MCC: variants seen among roughly 807,000 people sequenced by gnomAD.
The protein encoded by MCC is MCC regulator of Wnt signaling pathway, also known as colorectal mutant cancer protein.
Under a neutral mutation model 116.2 loss-of-function variants are expected in MCC, and 90 were observed. The ratio of observed to expected loss-of-function variants is 0.77; its 90% CI spans 0.65 to 0.92. The LOEUF is 0.92. Among genes scored for constraint, MCC ranks in the 40% least tolerant of loss-of-function variants. MCC has a pLI of 0.00. For synonymous variants in MCC, 578 were observed against 510.5 expected, an observed-to-expected ratio of 1.13 and a Z score of -1.78; for missense variants, 1,516 against 1,312.2, an observed-to-expected ratio of 1.16 and a Z score of -2.40.
intron 3 of MCC, among the ~76,000 whole-genome samples, chr5:113,299,552 G>T (rs1237453031): frequency 6.6e-6 from 1 of 152,058 alleles, no homozygotes; most frequent in Non-Finnish European, 1.5e-5. Flanking sequence ...AGAAACATAT[G>T]GACCAACTCG....
intron 3 of MCC, among the ~76,000 whole-genome samples, chr5:113,220,351 G>A (rs1024156187): frequency 3.3e-5 from 5 of 151,942 alleles, no homozygotes; most frequent in Middle Eastern, 3.4e-3. Flanking sequence ...GAGCCACTGC[G>A]CCCGGCCAGC....
chr5:113,125,334 A>C (rs1390153323), intron 5 of MCC, among the ~76,000 whole-genome samples: 2 of 152,218 alleles, frequency 1.3e-5, no homozygotes, highest in African/African-American at 2.4e-5. Flanking sequence ...AGTATTCTAG[A>C]ACAAAAACGA....
Position 113,441,716 on chromosome 5 carries a change from T to C in MCC, c.170+46529A>G, listed in dbSNP as rs1467779889. ...CCCTCCCTGTGTCCACATGTTCTCA[T>C]TGTTCAACTCCCACTTATGAGTGAG... On this transcript the variant is annotated intron_variant, in intron 1 of 18. Coordinates refer to ENST00000408903, the MANE Select transcript of MCC (RefSeq NM_001085377.2). Among the ~76,000 whole-genome samples, 5 of 152,332 alleles carry C rather than the reference T, an allele frequency of 3.3e-5. No individual in the cohort carries two copies. The South Asian group carries it at 6.2e-4, about 19-fold the overall frequency.
chr5:113,459,719 C>G (rs1045434727), intron 1 of MCC, among the ~76,000 whole-genome samples: 7 of 152,068 alleles, frequency 4.6e-5, no homozygotes, highest in Admixed American at 6.6e-5. Flanking sequence ...ACCTTTAGCT[C>G]TCCAATGTGA....
At chr5:113,283,663 C>T (rs576771208) in intron 3 of MCC, among the ~76,000 whole-genome samples, 86 of 152,262 alleles carry the variant, frequency 5.6e-4, no homozygotes, top group Non-Finnish European at 9.3e-4. Flanking sequence ...TTATTCCCCC[C>T]GCAAAAAGAA....
chr5:113,343,003 CA>C (rs985987636), intron 2 of MCC, among the ~76,000 whole-genome samples: 1 of 151,002 alleles, frequency 6.6e-6, no homozygotes, highest in South Asian at 2.1e-4. Flanking sequence ...CTTTTAATGA[CA>C]AAAAAAAGGA....
At chr5:113,282,395 T>C (rs560603933) in intron 3 of MCC, among the ~76,000 whole-genome samples, 36 of 152,308 alleles carry the variant, frequency 2.4e-4, no homozygotes, top group Admixed American at 2.4e-3. Flanking sequence ...AGTAATTACA[T>C]GTGTGTCCAG....
At chr5:113,059,069 C>A (rs1446808776) in intron 14 of MCC, among the ~76,000 whole-genome samples, 1 of 152,072 alleles carries the variant, frequency 6.6e-6, no homozygotes, top group Non-Finnish European at 1.5e-5. Flanking sequence ...GGGCCCGGAG[C>A]CTCATCCATG....
intron 11 of MCC, among the ~76,000 whole-genome samples, chr5:113,075,628 A>G (rs908999244): frequency 6.6e-6 from 1 of 151,938 alleles, no homozygotes. Context: ...CAGACCAATC[A>G]CCTCTCTGTA....
chr5:113,242,314 GT>G (rs1162725354), intron 3 of MCC, among the ~76,000 whole-genome samples: 7 of 152,164 alleles, frequency 4.6e-5, no homozygotes, highest in Non-Finnish European at 1.0e-4. Flanking sequence ...CACATCATTG[GT>G]AAGTATGTCA....
intron 3 of MCC, among the ~76,000 whole-genome samples, chr5:113,191,993 T>C (rs916890440): frequency 6.6e-6 from 1 of 152,170 alleles, no homozygotes; most frequent in African/African-American, 2.4e-5. Flanking sequence ...GATGCCTAGA[T>C]TTCTTTATGA....
intron 3 of MCC, among the ~76,000 whole-genome samples, chr5:113,319,844 CTT>C (rs1044763364): frequency 1.3e-5 from 2 of 152,202 alleles, no homozygotes; most frequent in Non-Finnish European, 2.9e-5. Flanking sequence ...TCTTGCAAAA[CTT>C]TGCCTTGGAG....
chr5:113,086,336 C>T (rs1012862088), intron 8 of MCC, among the ~76,000 whole-genome samples: 17 of 152,046 alleles, frequency 1.1e-4, no homozygotes, highest in African/African-American at 3.6e-4. Context: ...GGATGATATG[C>T]TATGTTTGAA....
chr5:113,064,556 A>G (rs1237234658), intron 13 of MCC, among the ~76,000 whole-genome samples: 1 of 152,196 alleles, frequency 6.6e-6, no homozygotes, highest in Non-Finnish European at 1.5e-5. Flanking sequence ...TTCCCTGTGA[A>G]TGAGGGAGGG....
At chr5:113,196,873 G>A (rs1426310542) in intron 3 of MCC, among the ~76,000 whole-genome samples, 1 of 152,122 alleles carries the variant, frequency 6.6e-6, no homozygotes, top group Non-Finnish European at 1.5e-5. Context: ...GCAAACAGAA[G>A]CACGTCTGCA....
intron 13 of MCC, among the ~76,000 whole-genome samples, chr5:113,066,058 T>C (rs550739074): frequency 3.9e-5 from 6 of 152,386 alleles, no homozygotes; most frequent in African/African-American, 1.4e-4. Context: ...GAATTAGGCA[T>C]GACATTACTT....
intron 2 of MCC, among the ~76,000 whole-genome samples, chr5:113,365,116 T>C (rs1015981474): frequency 6.6e-6 from 1 of 152,260 alleles, no homozygotes; most frequent in Non-Finnish European, 1.5e-5. Flanking sequence ...TTCTACCACA[T>C]GGCCAGGCTG....
Position 113,417,288 on chromosome 5 carries a change from C to G in MCC, c.171-32076G>C, listed in dbSNP as rs138779330. Among the ~76,000 whole-genome samples, 1,000 of 152,218 alleles carry G rather than the reference C, an allele frequency of 6.6e-3. 8 individuals carry two copies. The highest frequency in any genetic ancestry group is 0.014 in the Middle Eastern group (4 of 294). ...CAGCAGTGAATTGCTTTTTTATGCT[C>G]CTGCCTAATATATACCTTTCCAAAA... On this transcript the variant is annotated intron_variant, in intron 1 of 18. Coordinates refer to ENST00000408903, the MANE Select transcript of MCC (RefSeq NM_001085377.2).
chr5:113,278,081 C>G (rs67894881), intron 3 of MCC, among the ~76,000 whole-genome samples: 13,525 of 152,256 alleles, frequency 0.089, 893 homozygotes, highest in Non-Finnish European at 0.12. Flanking sequence ...TGCAACCTAC[C>G]AAGCCATCTT....
Sources: allele counts gnomAD v4.1 joint callset (sites outside exome capture counted in the v4.1 genomes callset), GRCh38; gene constraint gnomAD v4.1.1; transcripts MANE v1.5; gene names NCBI Gene and HGNC (gene_info 2026-07-23, HGNC 2026-07-21).